Variants in GPC5 observed in about 807,000 individuals in gnomAD.
The protein encoded by GPC5 is glypican 5.
In GPC5, 47 loss-of-function variants were observed where a neutral mutation model predicts 53.9. That is an observed-to-expected ratio of 0.87 (90% CI 0.69 to 1.11). The LOEUF is 1.11. Among genes scored for constraint, GPC5 ranks in the 50% most tolerant of loss-of-function variants. The pLI, the probability that GPC5 is intolerant of heterozygous loss-of-function variation, is 0.00. For synonymous variants in GPC5, 286 were observed against 263.3 expected (o/e 1.09, Z -0.84); for missense variants, 748 against 713.1 (o/e 1.05, Z -0.56).
At chr13:92,148,244 A>T (rs1376475053) in intron 7 of GPC5, among the ~76,000 whole-genome samples, 1 of 152,092 alleles carries the variant, frequency 6.6e-6, no homozygotes, top group Non-Finnish European at 1.5e-5. Flanking sequence ...AAATGAAAAA[A>T]GTTGGTAAAT....
At chr13:91,697,260 A>G (rs1028843060) in intron 3 of GPC5, among the ~76,000 whole-genome samples, 1 of 152,118 alleles carries the variant, frequency 6.6e-6, no homozygotes, top group Admixed American at 6.5e-5. Context: ...CTCCTGCCTC[A>G]GCCTCCCAAG....
chr13:92,534,991 G>A lies in GPC5; in HGVS notation c.1562-331291G>A, dbSNP rs371775586. Among the ~76,000 whole-genome samples the A allele has an allele frequency of 6.9e-4, 105 of 152,090 alleles. 11 individuals carry two copies. Among genetic ancestry groups the A allele is most frequent in the African/African-American group, 4.8e-5 (2 of 41,410 alleles). On this transcript the variant is annotated intron_variant, in intron 7 of 7. Coordinates refer to ENST00000377067, the MANE Select transcript of GPC5 (RefSeq NM_004466.6). ...TCTTAGACTGAATCTTTCTGTGCTC[G>A]ATTCTGGCCCACAGAGTCAAATGAG...
At chr13:92,484,645 GATAAAAGGCTAC>G (rs1489247086) in intron 7 of GPC5, 5 of 152,158 alleles carry the variant, frequency 3.3e-5, no homozygotes, top group Non-Finnish European at 5.9e-5. Flanking sequence ...TAATAAAAAT[GATAAAAGGCTAC>G]TCTCTTTAGA....
chr13:92,197,588 C>A (rs1224877004), intron 7 of GPC5, among the ~76,000 whole-genome samples: 2 of 152,062 alleles, frequency 1.3e-5, no homozygotes, highest in African/African-American at 4.8e-5. Flanking sequence ...GCCTCAACCC[C>A]CAAGGCTCAA....
intron 6 of GPC5, among the ~76,000 whole-genome samples, chr13:91,974,527 A>G (rs1294771291): frequency 1.3e-5 from 2 of 152,040 alleles, no homozygotes; most frequent in African/African-American, 2.4e-5. Flanking sequence ...CAATTGCTTC[A>G]AAGAGAATAA....
intron 7 of GPC5, among the ~76,000 whole-genome samples, chr13:92,815,737 G>A (rs1444561029): frequency 6.6e-6 from 1 of 151,870 alleles, no homozygotes; most frequent in African/African-American, 2.4e-5. Flanking sequence ...TAGTGGTATG[G>A]TTTGGGGCAT....
intron 2 of GPC5, among the ~76,000 whole-genome samples, chr13:91,563,132 CTG>C (rs1311723084): frequency 1.3e-5 from 2 of 152,032 alleles, no homozygotes; most frequent in East Asian, 3.9e-4. Context: ...AAATTTTACT[CTG>C]TGCTAAAAAT....
chr13:92,466,002 C>T (rs966126938), intron 7 of GPC5, among the ~76,000 whole-genome samples: 20 of 151,720 alleles, frequency 1.3e-4, no homozygotes, highest in African/African-American at 4.6e-4. Flanking sequence ...TGCGTACACA[C>T]GATAATAATG....
chr13:92,842,195 G>T (rs1056381142), intron 7 of GPC5, among the ~76,000 whole-genome samples: 2 of 151,986 alleles, frequency 1.3e-5, no homozygotes, highest in African/African-American at 4.8e-5. Context: ...ACTGGATTTT[G>T]CCCAACTTAC....
chr13:91,608,738 A>T (rs1465644772), intron 2 of GPC5, among the ~76,000 whole-genome samples: 1 of 152,056 alleles, frequency 6.6e-6, no homozygotes, highest in East Asian at 2.0e-4. Flanking sequence ...GATATGAGGT[A>T]AAAGAGAACC....
intron 2 of GPC5, among the ~76,000 whole-genome samples, chr13:91,518,442 T>C (rs1268617384): frequency 6.6e-6 from 1 of 152,214 alleles, no homozygotes; most frequent in Non-Finnish European, 1.5e-5. Context: ...AATAATTTAT[T>C]TTAAAAGTTT....
chr13:91,680,534 GGA>G (rs2035484276), intron 2 of GPC5, among the ~76,000 whole-genome samples: 1 of 152,150 alleles, frequency 6.6e-6, no homozygotes, highest in African/African-American at 2.4e-5. Flanking sequence ...GTCAAGGCAT[GGA>G]TTACAATGTC....
At chr13:91,663,174 A>G (rs1390145722) in intron 2 of GPC5, among the ~76,000 whole-genome samples, 1 of 152,224 alleles carries the variant, frequency 6.6e-6, no homozygotes, top group South Asian at 2.1e-4. Context: ...GTTATATTCA[A>G]TATTGGATTT....
intron 7 of GPC5, among the ~76,000 whole-genome samples, chr13:92,699,791 G>A: frequency 6.6e-6 from 1 of 152,154 alleles, no homozygotes; most frequent in South Asian, 2.1e-4. Flanking sequence ...TGGTCTGATA[G>A]ACAGTTTGTT....
intron 3 of GPC5, among the ~76,000 whole-genome samples, chr13:91,717,339 A>G (rs2036360099): frequency 6.6e-6 from 1 of 152,222 alleles, no homozygotes; most frequent in African/African-American, 2.4e-5. Flanking sequence ...GCTTTGGTTC[A>G]GAGCAGTTTG....
Position 91,432,215 on chromosome 13 carries a change from G to C in GPC5, c.164-16546G>C, listed in dbSNP as rs879740568. On this transcript the variant is annotated intron_variant, in intron 1 of 7. Transcript: ENST00000377067. Reference sequence around the variant, plus strand: ...GCTGCTGCTGCTGCTGTGTGTGTGTGTGTGTGTGTGTGTGTGTGTGTGTGT... The same window carrying C: ...GCTGCTGCTGCTGCTGTGTGTGTGTCTGTGTGTGTGTGTGTGTGTGTGTGT... Among the ~76,000 whole-genome samples, 562 of 127,288 alleles carry C rather than the reference G, an allele frequency of 4.4e-3. 4 individuals carry two copies. Among genetic ancestry groups the C allele is most frequent in the South Asian group, 5.6e-3 (21 of 3,754 alleles). 83.5% of individuals were successfully genotyped at this position (127,288 alleles called of 152,430 possible).
At chr13:92,542,073 A>G (rs1023601566) in intron 7 of GPC5, among the ~76,000 whole-genome samples, 17 of 152,158 alleles carry the variant, frequency 1.1e-4, no homozygotes, top group Middle Eastern at 6.8e-3. Flanking sequence ...TAACAATTGT[A>G]TATAATCTGG....
chr13:91,939,278 T>C (rs998505728), intron 6 of GPC5, among the ~76,000 whole-genome samples: 1 of 152,144 alleles, frequency 6.6e-6, no homozygotes, highest in African/African-American at 2.4e-5. Context: ...TAAGAAATCA[T>C]AGAATTTATG....
At chr13:91,702,848 T>G (rs2036022948) in intron 3 of GPC5, among the ~76,000 whole-genome samples, 1 of 152,046 alleles carries the variant, frequency 6.6e-6, no homozygotes, top group Admixed American at 6.5e-5. Context: ...TATCTTCAAC[T>G]TCCTTTGTTA....
Sources: allele counts gnomAD v4.1 joint callset (sites outside exome capture counted in the v4.1 genomes callset), GRCh38; gene constraint gnomAD v4.1.1; transcripts MANE v1.5; gene names NCBI Gene and HGNC (gene_info 2026-07-23, HGNC 2026-07-21).